The following ABCG8 variants were observed in gnomAD, a reference collection of about 807,000 sequenced individuals.
ABCG8 encodes the protein ATP binding cassette subfamily G member 8, also known as ATP-binding cassette sub-family G member 8.
ABCG8 carries 81 observed loss-of-function variants against 71.3 expected under a neutral mutation model. That is an observed-to-expected ratio of 1.14 (90% confidence interval 0.95 to 1.37). The LOEUF (loss-of-function observed/expected upper bound fraction) is 1.37. ABCG8 is among the 40% of genes most tolerant of loss of function. The pLI, the probability that ABCG8 is intolerant of heterozygous loss-of-function variation, is 0.00. For synonymous variants in ABCG8, 451 were observed against 354.7 expected, an observed-to-expected ratio of 1.27 and a Z score of -3.05; for missense variants, 1,119 against 866.2, an observed-to-expected ratio of 1.29 and a Z score of -3.66.
At chr2:43,859,853 A>G (rs1282122270) in intron 6 of ABCG8, among the ~76,000 whole-genome samples, 1 of 151,554 alleles carries the variant, frequency 6.6e-6, no homozygotes, top group Non-Finnish European at 1.5e-5. Flanking sequence ...ATCTGGATAG[A>G]ATTCTCACTC....
intron 6 of ABCG8, among the ~76,000 whole-genome samples, chr2:43,856,611 C>T (rs1028840333): frequency 1.3e-5 from 2 of 151,030 alleles, no homozygotes; most frequent in African/African-American, 4.9e-5. Context: ...ATTTTCCCAT[C>T]TGAATAGAAC....
At chr2:43,855,966 C>T (rs1175591026) in intron 6 of ABCG8, among the ~76,000 whole-genome samples, 1 of 151,842 alleles carries the variant, frequency 6.6e-6, no homozygotes, top group East Asian at 1.9e-4. Flanking sequence ...AGAACTCTCA[C>T]TATCTATCTG....
chr2:43,846,117 T>A (rs1031588168), intron 2 of ABCG8, 38 bp from the exon 3 acceptor site: 1 of 1,611,412 alleles, frequency 6.2e-7, no homozygotes, highest in Non-Finnish European at 8.5e-7. Context: ...CTCTGAACCA[T>A]TCAGCTCTCT....
chr2:43,871,038 C>T (rs890719576), intron 6 of ABCG8, among the ~76,000 whole-genome samples: 1 of 151,630 alleles, frequency 6.6e-6, no homozygotes, highest in Admixed American at 6.6e-5. Context: ...CTCTCACTAT[C>T]TATCTGGATA....
At chr2:43,871,914 C>G in intron 6 of ABCG8, 62 bp from the exon 7 acceptor site, 4 of 1,608,594 alleles carry the variant, frequency 2.5e-6, no homozygotes, top group South Asian at 1.1e-5. Flanking sequence ...GCACCAAGCT[C>G]TTCACCTGTG....
At position 43,881,281 on chromosome 2, in the gene ABCG8, G is replaced by A. The variant is rs1180467668; in HGVS notation, c.*3368G>A. 1 of 152,176 alleles carries A rather than the reference G, an allele frequency of 6.6e-6. No homozygotes were observed. Among genetic ancestry groups the A allele is most frequent in the Non-Finnish European group, 1.5e-5 (1 of 68,058 alleles). 9.4% of individuals were successfully genotyped at this position (152,176 alleles called of 1,614,324 possible). On this transcript the variant is annotated 3_prime_UTR_variant, in exon 13 of 13. Coordinates refer to ENST00000272286, the MANE Select transcript of ABCG8 (RefSeq NM_022437.3). ...CATTTATTTGTGTTTTTCCTACAGC[G>A]GTGGTTCTCCACCCTGGTTGCCCAT...
At chr2:43,868,011 C>G (rs532853600) in intron 6 of ABCG8, among the ~76,000 whole-genome samples, 1 of 152,092 alleles carries the variant, frequency 6.6e-6, no homozygotes, top group South Asian at 2.1e-4. Flanking sequence ...GGATAGAACT[C>G]TCACTATCAA....
intron 11 of ABCG8, among the ~76,000 whole-genome samples, chr2:43,877,223 G>A (rs1669988018): frequency 6.6e-6 from 1 of 150,440 alleles, no homozygotes; most frequent in Non-Finnish European, 1.5e-5. Context: ...GGGAATATGA[G>A]GAAACTGGAT....
At chr2:43,875,528 C>T in intron 11 of ABCG8, 115 bp downstream of exon 11, 1 of 1,364,686 alleles carries the variant, frequency 7.3e-7, no homozygotes, top group Non-Finnish European at 9.8e-7. Context: ...GAGGCTGGCC[C>T]TTCTGGAAGC....
At chr2:43,866,499 G>GA (rs1213496563) in intron 6 of ABCG8, among the ~76,000 whole-genome samples, 4 of 151,678 alleles carry the variant, frequency 2.6e-5, no homozygotes, top group Admixed American at 6.6e-5. Context: ...AAATTTACAA[G>GA]AAAAAAACAA....
At chr2:43,839,171 A>G in intron 1 of ABCG8, 55 bp downstream of exon 1, 1 of 1,530,214 alleles carries the variant, frequency 6.5e-7, no homozygotes, top group African/African-American at 1.4e-5. Context: ...GGAGAAATCA[A>G]ACCTTTCTCT....
intron 3 of ABCG8, chr2:43,847,395 T>A (rs1668777088): frequency 6.6e-6 from 1 of 152,132 alleles, no homozygotes; most frequent in Non-Finnish European, 1.5e-5. Flanking sequence ...GTCCCTGCAA[T>A]CCTGACCTAA....
chr2:43,864,615 G>C (rs1228441463), intron 6 of ABCG8, among the ~76,000 whole-genome samples: 2 of 151,240 alleles, frequency 1.3e-5, no homozygotes, highest in Admixed American at 1.3e-4. Flanking sequence ...TATCTGTCTA[G>C]GTAGAATTCT....
At position 43,851,650 on chromosome 2, in the gene ABCG8, G is replaced by T. The variant is rs968485818; in HGVS notation, c.389G>T (p.Gly130Val). Residue 130 changes from glycine to valine, a missense_variant, in exon 4 of 13, where the codon GGC becomes GTC. Gly to Val is a moderately radical substitution (Grantham distance 109). Coordinates refer to ENST00000272286, the MANE Select transcript of ABCG8 (RefSeq NM_022437.3). ...GGTCACGGCGGCAAGATCAAGTCAG[G>T]CCAGATCTGGATCAATGGGCAGCCC... ...GRGHGGKIKS[G>V]QIWINGQPSS... is the part of the protein sequence containing the mutation. 2 of 1,614,230 alleles carry T rather than the reference G, an allele frequency of 1.2e-6. No individual in the cohort carries two copies.
At chr2:43,857,678 C>T (rs1019207332) in intron 6 of ABCG8, among the ~76,000 whole-genome samples, 6 of 151,592 alleles carry the variant, frequency 4.0e-5, no homozygotes, top group Non-Finnish European at 7.4e-5. Flanking sequence ...GGACAAAACT[C>T]TCACTATCTT....
chr2:43,851,356 C>T lies in ABCG8; in HGVS notation c.323-228C>T, dbSNP rs535317655. 2.7e-4 allele frequency among the ~76,000 whole-genome samples: 41 copies of T among 152,372 alleles called. No homozygotes were observed. In the South Asian group the frequency reaches 7.9e-3, roughly 29 times the overall value. ...GCCTGAACCCCCAGCGCCATCATGC[C>T]TTGCAGCCCCACAGGGGTGCTCACG... On this transcript the variant is annotated intron_variant, in intron 3 of 12. Transcript: ENST00000272286.
At chr2:43,875,436 G>C in intron 11 of ABCG8, 23 bp downstream of exon 11, 1 of 1,608,440 alleles carries the variant, frequency 6.2e-7, no homozygotes, top group East Asian at 2.2e-5. Context: ...CCCGGGGCCT[G>C]GGCCAGCTTT....
chr2:43,859,675 G>T (rs1480372069), intron 6 of ABCG8, among the ~76,000 whole-genome samples: 1 of 150,232 alleles, frequency 6.7e-6, no homozygotes, highest in Non-Finnish European at 1.5e-5. Flanking sequence ...CTCACTATCT[G>T]GATAGAATTC....
chr2:43,857,144 T>C (rs1392421871), intron 6 of ABCG8, among the ~76,000 whole-genome samples: 1 of 151,824 alleles, frequency 6.6e-6, no homozygotes, highest in African/African-American at 2.4e-5. Context: ...TCTATCTGGA[T>C]AGAATTCTCA....
Sources: gnomAD v4.1 joint callset for allele counts (sites outside exome capture counted in the v4.1 genomes callset) on GRCh38, gnomAD v4.1.1 for gene constraint, MANE v1.5 for transcripts, NCBI Gene and HGNC (gene_info 2026-07-23, HGNC 2026-07-21) for gene names.